The following EML4 variants were observed in gnomAD, a reference collection of about 807,000 sequenced individuals.
The protein encoded by EML4 is EMAP like 4.
EML4 carries 72 observed loss-of-function variants against 129.0 expected under a neutral mutation model. The ratio of observed to expected loss-of-function variants is 0.56; its 90% CI spans 0.46 to 0.68. The LOEUF (loss-of-function observed/expected upper bound fraction) is 0.68, where lower values mean the gene tolerates loss of function less well. Ranked by LOEUF, EML4 falls within the 30% of genes least tolerant of loss-of-function variation. The pLI is 0.00. For missense variants in EML4, 1,363 were observed against 1,190.6 expected, an observed-to-expected ratio of 1.14 and a Z score of -2.13; for synonymous variants, 532 against 405.0, an observed-to-expected ratio of 1.31 and a Z score of -3.77.
At chr2:42,296,044 C>T (rs771591663) in intron 13 of EML4, among the ~76,000 whole-genome samples, 1 of 152,044 alleles carries the variant, frequency 6.6e-6, no homozygotes, top group Admixed American at 6.6e-5. Context: ...TTTATTTGCA[C>T]CCAAATATAC....
intron 1 of EML4, among the ~76,000 whole-genome samples, chr2:42,227,753 C>G (rs982258880): frequency 2.6e-5 from 4 of 152,194 alleles, no homozygotes; most frequent in Admixed American, 2.0e-4. Context: ...TTATGAACAT[C>G]CATTTCCACT....
At chr2:42,219,459 C>A (rs140386544) in intron 1 of EML4, among the ~76,000 whole-genome samples, 13 of 152,172 alleles carry the variant, frequency 8.5e-5, no homozygotes, top group African/African-American at 3.1e-4. Flanking sequence ...AAAAGGTCTA[C>A]CTGAAGTTCT....
intron 2 of EML4, among the ~76,000 whole-genome samples, chr2:42,246,732 A>G (rs1675425025): frequency 6.6e-6 from 1 of 152,174 alleles, no homozygotes; most frequent in African/African-American, 2.4e-5. Context: ...GAGGATGTAA[A>G]ATGAGAAGGC....
intron 1 of EML4, among the ~76,000 whole-genome samples, chr2:42,230,740 G>T (rs1377176405): frequency 6.6e-6 from 1 of 152,156 alleles, no homozygotes; most frequent in South Asian, 2.1e-4. Flanking sequence ...TCTCAGCAGG[G>T]CACTGTGTCT....
intron 1 of EML4, among the ~76,000 whole-genome samples, chr2:42,244,556 A>G (rs1240782623): frequency 6.6e-6 from 1 of 152,204 alleles, no homozygotes; most frequent in African/African-American, 2.4e-5. Context: ...ACCTAAGGCA[A>G]ATATTAAGTA....
chr2:42,245,425 TGTGGGATG>T (rs1675335025), intron 1 of EML4, 72 bp from the exon 2 acceptor site: 5 of 1,323,634 alleles, frequency 3.8e-6, no homozygotes. Context: ...GTAAGTCTTA[TGTGGGATG>T]GTTTTTCTAA....
chr2:42,327,791 T>C (rs1669890860), intron 21 of EML4, among the ~76,000 whole-genome samples: 2 of 152,344 alleles, frequency 1.3e-5, no homozygotes, highest in South Asian at 2.1e-4. Flanking sequence ...ATACTGGATA[T>C]GGATGTGGCA....
At chr2:42,189,914 T>C (rs184027943) in intron 1 of EML4, among the ~76,000 whole-genome samples, 1 of 152,240 alleles carries the variant, frequency 6.6e-6, no homozygotes, top group Admixed American at 6.5e-5. Flanking sequence ...ATTTCCTTGG[T>C]TACTAACATC....
intron 1 of EML4, among the ~76,000 whole-genome samples, chr2:42,204,500 C>G (rs1433536837): frequency 6.6e-6 from 1 of 152,104 alleles, no homozygotes; most frequent in Non-Finnish European, 1.5e-5. Context: ...TGACAGTACC[C>G]AAAAGAATGT....
chr2:42,329,016 G>A lies in EML4; in HGVS notation c.2472G>A (p.Lys824=), dbSNP rs777829033. ...TTCAGTATCCCTGCTCCAAAGCAAA[G>A]GTAAACTCACTTTAATAGAAACTAA... The part of the protein sequence containing the change: ...HLFQYPCSKA[K]APSHKYSAHS... The change falls in exon 22 of 23, where the codon AAG becomes AAA. Residue 824 remains lysine (K), a splice_region_variant and synonymous_variant. Coordinates refer to ENST00000318522, the MANE Select transcript of EML4 (RefSeq NM_019063.5). 6.2e-7 allele frequency: 1 copy of A among 1,609,782 alleles called. No homozygotes were observed. Among genetic ancestry groups the A allele is most frequent in the Non-Finnish European group, 8.5e-7 (1 of 1,178,828 alleles).
chr2:42,199,860 CTA>C (rs1672115790), intron 1 of EML4, among the ~76,000 whole-genome samples: 1 of 152,000 alleles, frequency 6.6e-6, no homozygotes, highest in Non-Finnish European at 1.5e-5. Flanking sequence ...TGAAAGTCAT[CTA>C]TGGGTTATTG....
intron 2 of EML4, among the ~76,000 whole-genome samples, chr2:42,248,182 C>T (rs1675536110): frequency 6.6e-6 from 1 of 151,844 alleles, no homozygotes. Context: ...CTCTATGTTG[C>T]CCAAGCTGGT....
At chr2:42,311,073 G>A (rs1346396207) in intron 17 of EML4, among the ~76,000 whole-genome samples, 4 of 152,016 alleles carry the variant, frequency 2.6e-5, no homozygotes, top group African/African-American at 9.7e-5. Flanking sequence ...GGGGTTTTTT[G>A]GTTTCTTTTT....
At chr2:42,235,159 G>C (rs1166014119) in intron 1 of EML4, among the ~76,000 whole-genome samples, 2 of 152,138 alleles carry the variant, frequency 1.3e-5, no homozygotes, top group African/African-American at 4.8e-5. Flanking sequence ...AGCCGGGTGT[G>C]CTTGCAGGTG....
At chr2:42,184,311 G>A (rs1034240089) in intron 1 of EML4, among the ~76,000 whole-genome samples, 9 of 151,654 alleles carry the variant, frequency 5.9e-5, no homozygotes, top group Admixed American at 3.9e-4. Flanking sequence ...GTATACATGT[G>A]CCATGTTGGT....
chr2:42,297,651 A>G (rs1432868659), intron 13 of EML4, among the ~76,000 whole-genome samples: 1 of 152,176 alleles, frequency 6.6e-6, no homozygotes, highest in Non-Finnish European at 1.5e-5. Context: ...GTAAGTGTCC[A>G]CAGTTTCCAT....
At chr2:42,206,104 C>T (rs545135867) in intron 1 of EML4, among the ~76,000 whole-genome samples, 14 of 152,242 alleles carry the variant, frequency 9.2e-5, no homozygotes, top group African/African-American at 1.7e-4. Flanking sequence ...AACGTTTGTA[C>T]GACATTTTTA....
In EML4 at chr2:42,301,353, T is replaced by G. The variant is rs1170258619; in HGVS notation, c.1602T>G (p.Ile534Met). ...GAGGAGGGAAAGACAGAAAAATAAT[T>G]CTGTGGGATCATGATCTGAATCCTG... Reference protein sequence around the residue: ...LTGGGKDRKIILWDHDLNPER... With the variant: ...LTGGGKDRKIMLWDHDLNPER... The change falls in exon 14 of 23, where the codon ATT becomes ATG. Residue 534 changes from isoleucine (I) to methionine (M), a missense_variant. By Grantham distance (10) the Ile-to-Met change is conservative. Transcript: ENST00000318522. 2 of 1,613,240 alleles carry G rather than the reference T, an allele frequency of 1.2e-6. No homozygotes were observed. Among genetic ancestry groups the G allele is most frequent in the African/African-American group, 1.3e-5 (1 of 74,990 alleles).
intron 19 of EML4, among the ~76,000 whole-genome samples, chr2:42,324,381 T>C (rs13433011): frequency 0.13 from 19,950 of 152,236 alleles, 1,306 homozygotes; most frequent in East Asian, 0.19. Context: ...TTTGGGAGGC[T>C]GAGGCTGGAG....
Sources: gnomAD v4.1 joint callset for allele counts (sites outside exome capture counted in the v4.1 genomes callset) on GRCh38, gnomAD v4.1.1 for gene constraint, MANE v1.5 for transcripts, NCBI Gene and HGNC (gene_info 2026-07-23, HGNC 2026-07-21) for gene names.